Variants in FRMD4A observed in about 807,000 individuals in gnomAD.
FRMD4A encodes the protein FERM domain-containing protein 4A.
Under a neutral mutation model 129.1 loss-of-function variants are expected in FRMD4A, and 29 were observed. That is an observed-to-expected ratio of 0.22 (90% CI 0.17 to 0.31). FRMD4A has a LOEUF of 0.31. FRMD4A is among the 10% of genes least tolerant of loss of function. The pLI is 1.00. For missense variants in FRMD4A, 1,272 were observed against 1,375.8 expected (o/e 0.92, Z 1.19); for synonymous variants, 634 against 571.6 (o/e 1.11, Z -1.56).
chr10:14,276,222 T>C (rs2132053581), intron 2 of FRMD4A, among the ~76,000 whole-genome samples: 2 of 152,288 alleles, frequency 1.3e-5, no homozygotes, highest in Middle Eastern at 6.8e-3. Context: ...CCTGCCTCAC[T>C]GTCATGCCTG....
chr10:13,896,877 G>A (rs73580790), intron 2 of FRMD4A, among the ~76,000 whole-genome samples: 42 of 152,238 alleles, frequency 2.8e-4, no homozygotes, highest in African/African-American at 9.6e-4. Flanking sequence ...AAGAGCAGCC[G>A]ATTCTACCAC....
intron 2 of FRMD4A, among the ~76,000 whole-genome samples, chr10:14,061,383 G>A (rs763995446): frequency 3.4e-5 from 5 of 147,620 alleles, no homozygotes; most frequent in South Asian, 2.1e-4. Flanking sequence ...ACCCGGAGGC[G>A]GAGGTTGCAA....
chr10:14,141,662 G>C (rs999502764), intron 2 of FRMD4A, among the ~76,000 whole-genome samples: 2 of 151,704 alleles, frequency 1.3e-5, no homozygotes, highest in African/African-American at 4.8e-5. Flanking sequence ...CCTGTCCTTC[G>C]ATGATCACTC....
Position 13,858,917 on chromosome 10 carries a change from G to A in FRMD4A, c.46-5C>T, listed in dbSNP as rs772441093. 1 of 1,574,226 alleles carries A rather than the reference G, an allele frequency of 6.4e-7. No homozygotes were observed. On this transcript the variant is annotated splice_region_variant and splice_polypyrimidine_tract_variant and intron_variant, in intron 2 of 24. Coordinates refer to ENST00000357447, the MANE Select transcript of FRMD4A (RefSeq NM_018027.5). ...ACATCGGCGGCCCTCCGTCATCTAA[G>A]AGGGAAGAGAAATGGTAGTCACTGA...
At chr10:13,758,794 T>G (rs1003783747) in intron 8 of FRMD4A, among the ~76,000 whole-genome samples, 3 of 152,182 alleles carry the variant, frequency 2.0e-5, no homozygotes, top group Non-Finnish European at 4.4e-5. Context: ...TTAGTTGAAC[T>G]AAGGAGCAAA....
chr10:13,840,062 G>A (rs1464296052), intron 3 of FRMD4A, among the ~76,000 whole-genome samples: 4 of 152,210 alleles, frequency 2.6e-5, no homozygotes, highest in Non-Finnish European at 5.9e-5. Context: ...CCTCACAATT[G>A]CTTAAAGAGG....
intron 2 of FRMD4A, among the ~76,000 whole-genome samples, chr10:14,231,342 T>C (rs1003079400): frequency 2.0e-5 from 3 of 151,044 alleles, no homozygotes; most frequent in African/African-American, 7.3e-5. Flanking sequence ...GATATCTCAT[T>C]GTGGTTTTTT....
At chr10:13,670,299 G>A in intron 17 of FRMD4A, 107 bp downstream of exon 17, 2 of 1,137,920 alleles carry the variant, frequency 1.8e-6, no homozygotes, top group Non-Finnish European at 2.6e-6. Flanking sequence ...GAAAATACTG[G>A]CATTAGGCAG....
At chr10:13,938,596 A>G (rs766585749) in intron 2 of FRMD4A, among the ~76,000 whole-genome samples, 9 of 152,116 alleles carry the variant, frequency 5.9e-5, no homozygotes, top group Non-Finnish European at 8.8e-5. Flanking sequence ...TATTGCCTCA[A>G]TAGAGTATAC....
At chr10:13,682,361 G>A (rs553930441) in intron 15 of FRMD4A, among the ~76,000 whole-genome samples, 14 of 152,092 alleles carry the variant, frequency 9.2e-5, no homozygotes, top group Non-Finnish European at 1.3e-4. Context: ...ACCACCCACC[G>A]TGGCCACATC....
intron 4 of FRMD4A, among the ~76,000 whole-genome samples, chr10:13,806,272 G>A (rs1435623423): frequency 1.3e-5 from 2 of 152,012 alleles, no homozygotes; most frequent in African/African-American, 2.4e-5. Flanking sequence ...TTATAGGCAT[G>A]AGCCACTGCA....
At chr10:13,740,407 C>T in intron 10 of FRMD4A, 105 bp downstream of exon 10, 1 of 877,856 alleles carries the variant, frequency 1.1e-6, no homozygotes, top group Non-Finnish European at 1.9e-6. Flanking sequence ...ACATACACCC[C>T]CCACTCCCAG....
intron 2 of FRMD4A, among the ~76,000 whole-genome samples, chr10:14,276,362 A>G (rs909106694): frequency 7.2e-5 from 11 of 152,084 alleles, no homozygotes; most frequent in African/African-American, 2.7e-4. Flanking sequence ...CAACTTGGCA[A>G]CTTCCTCTGT....
chr10:14,096,111 C>T (rs1313762617), intron 2 of FRMD4A, among the ~76,000 whole-genome samples: 1 of 152,220 alleles, frequency 6.6e-6, no homozygotes, highest in African/African-American at 2.4e-5. Flanking sequence ...TAATTCCCAA[C>T]ACGTGGGTAT....
Position 14,013,333 on chromosome 10 carries a change from C to T in FRMD4A, c.46-154421G>A, listed in dbSNP as rs368575614. Among the ~76,000 whole-genome samples, 8 of 152,196 alleles carry T rather than the reference C, an allele frequency of 5.3e-5. No homozygotes were observed. The South Asian group carries it at 1.7e-3, about 32-fold the overall frequency. On this transcript the variant is annotated intron_variant, in intron 2 of 24. Transcript: ENST00000357447. ...GGCAATAGATGGCAACTATTCCCAC[C>T]CTCTCCCACACGCCACTCAAGGAGT... is the stretch of plus-strand genomic sequence containing the variant.
chr10:14,288,336 G>A (rs1845747196), intron 2 of FRMD4A, among the ~76,000 whole-genome samples: 2 of 152,134 alleles, frequency 1.3e-5, no homozygotes, highest in South Asian at 4.1e-4. Context: ...GAGGTGGTGG[G>A]GGCTGGAGGT....
At chr10:14,171,846 A>T (rs1289073696) in intron 2 of FRMD4A, among the ~76,000 whole-genome samples, 1 of 152,210 alleles carries the variant, frequency 6.6e-6, no homozygotes, top group East Asian at 1.9e-4. Flanking sequence ...GAAATCAGAA[A>T]CTTCAAGCTA....
chr10:14,192,293 T>C (rs1842342273), intron 2 of FRMD4A, among the ~76,000 whole-genome samples: 1 of 152,252 alleles, frequency 6.6e-6, no homozygotes, highest in African/African-American at 2.4e-5. Context: ...TGAATATCAG[T>C]GTGTATCCAC....
At chr10:13,830,219 C>T (rs1444357849) in intron 3 of FRMD4A, among the ~76,000 whole-genome samples, 9 of 152,210 alleles carry the variant, frequency 5.9e-5, no homozygotes, top group African/African-American at 1.7e-4. Flanking sequence ...TCGGGCAGGG[C>T]GCTGTCCCTC....
Sources: allele counts gnomAD v4.1 joint callset (sites outside exome capture counted in the v4.1 genomes callset), GRCh38; gene constraint gnomAD v4.1.1; transcripts MANE v1.5; gene names NCBI Gene and HGNC (gene_info 2026-07-23, HGNC 2026-07-21).